CTBP2: variants seen among roughly 807,000 people sequenced by gnomAD.
CTBP2 encodes the protein C-terminal binding protein 2.
CTBP2 carries 30 observed loss-of-function variants against 80.3 expected under a neutral mutation model. The ratio of observed to expected loss-of-function variants is 0.37; its 90% CI spans 0.28 to 0.51. CTBP2 has a LOEUF of 0.51. CTBP2 is among the 20% of genes least tolerant of loss of function. The pLI is 0.93. For synonymous variants in CTBP2, 594 were observed against 587.4 expected, an observed-to-expected ratio of 1.01 and a Z score of -0.16; for missense variants, 1,212 against 1,375.3, an observed-to-expected ratio of 0.88 and a Z score of 1.88.
At chr10:124,993,443 G>T (rs1952993932) in intron 6 of CTBP2, 114 bp from the exon 9 acceptor site, 2 of 1,164,204 alleles carry the variant, frequency 1.7e-6, no homozygotes, top group East Asian at 5.1e-5. Context: ...AGATAGCATG[G>T]ATACAGGAAC....
upstream of CTBP2, chr10:125,162,286 A>T (rs1789861444): frequency 6.6e-6 from 1 of 152,268 alleles, no homozygotes; most frequent in Non-Finnish European, 1.5e-5. Flanking sequence ...GGTCTCCTCC[A>T]TCCCTGAGTG....
chr10:125,146,929 G>A (rs1858892645), intron 1 of CTBP2, among the ~76,000 whole-genome samples: 1 of 151,312 alleles, frequency 6.6e-6, no homozygotes, highest in South Asian at 2.1e-4. Flanking sequence ...CCCATTGCCA[G>A]GGCCTGGGGT....
At chr10:125,041,388 T>C (rs1188194954) in intron 2 of CTBP2, among the ~76,000 whole-genome samples, 1 of 151,980 alleles carries the variant, frequency 6.6e-6, no homozygotes, top group Non-Finnish European at 1.5e-5. Flanking sequence ...TAGCCAGTGC[T>C]GGGCTTTCTG....
intron 1 of CTBP2, among the ~76,000 whole-genome samples, chr10:125,134,203 A>G (rs1236610056): frequency 6.6e-6 from 1 of 152,214 alleles, no homozygotes; most frequent in Admixed American, 6.5e-5. Flanking sequence ...CAACATGACC[A>G]ACATCAAGTA....
chr10:125,100,341 A>C (rs1352223695), intron 2 of CTBP2, among the ~76,000 whole-genome samples: 1 of 152,202 alleles, frequency 6.6e-6, no homozygotes, highest in Non-Finnish European at 1.5e-5. Context: ...CCAAAGCTCA[A>C]TATCACACAA....
intron 1 of CTBP2, among the ~76,000 whole-genome samples, chr10:125,021,132 C>T (rs958203980): frequency 6.6e-6 from 1 of 152,086 alleles, no homozygotes; most frequent in Non-Finnish European, 1.5e-5. Flanking sequence ...CCCCTGAGAC[C>T]CCGAGGGCCT....
chr10:125,144,005 AC>A (rs2133304488), intron 1 of CTBP2, among the ~76,000 whole-genome samples: 1 of 152,296 alleles, frequency 6.6e-6, no homozygotes, highest in South Asian at 2.1e-4. Context: ...CTCAAAAAGC[AC>A]CCAGACGCTC....
intron 2 of CTBP2, among the ~76,000 whole-genome samples, chr10:125,110,206 T>A (rs1479384755): frequency 6.6e-6 from 1 of 152,252 alleles, no homozygotes. Flanking sequence ...GCTAGCGGTT[T>A]CCCTTGCTTT....
chr10:125,059,117 G>A (rs1964495401), intron 2 of CTBP2, among the ~76,000 whole-genome samples: 1 of 152,074 alleles, frequency 6.6e-6, no homozygotes, highest in African/African-American at 2.4e-5. Flanking sequence ...CTCCTTTGCT[G>A]GTGCTAAACA....
At chr10:125,015,631 C>T (rs1326748444) in intron 1 of CTBP2, among the ~76,000 whole-genome samples, 2 of 152,196 alleles carry the variant, frequency 1.3e-5, no homozygotes, top group African/African-American at 2.4e-5. Flanking sequence ...GATGGGCTGG[C>T]CTCAGTGCTC....
chr10:125,136,385 G>C (rs1423139928), intron 1 of CTBP2, among the ~76,000 whole-genome samples: 1 of 152,228 alleles, frequency 6.6e-6, no homozygotes, highest in Non-Finnish European at 1.5e-5. Flanking sequence ...AGTGTTCTCT[G>C]GTTGGGTGGT....
intron 1 of CTBP2, among the ~76,000 whole-genome samples, chr10:125,015,597 C>T (rs1956394522): frequency 6.6e-6 from 1 of 152,196 alleles, no homozygotes; most frequent in African/African-American, 2.4e-5. Context: ...CTAGAGGACT[C>T]CCTCTGGCTC....
intron 2 of CTBP2, among the ~76,000 whole-genome samples, chr10:125,107,598 G>A (rs916442945): frequency 2.0e-5 from 3 of 152,238 alleles, no homozygotes; most frequent in Non-Finnish European, 4.4e-5. Flanking sequence ...TGATCAGGAA[G>A]ATGACCTCAA....
intron 1 of CTBP2, among the ~76,000 whole-genome samples, chr10:125,113,926 G>A (rs996855625): frequency 3.9e-5 from 6 of 152,196 alleles, no homozygotes; most frequent in African/African-American, 1.4e-4. Context: ...TTGGAAGACT[G>A]TCAGAATTTT....
chr10:125,070,570 A>T (rs1845315318), intron 2 of CTBP2, among the ~76,000 whole-genome samples: 1 of 147,294 alleles, frequency 6.8e-6, no homozygotes, highest in African/African-American at 2.5e-5. Context: ...AATGATAATG[A>T]TAATAATAAT....
chr10:124,986,711 A>G lies in CTBP2; in HGVS notation c.*2807T>C, dbSNP rs945749277. The stretch of plus-strand genomic sequence containing the variant: ...AATCAAGTTTGTAGAAAATGTTAGC[A>G]TTCTGACTACTTAGCATCTGTAGTA... On this transcript the variant is annotated 3_prime_UTR_variant, in exon 9 of 9. Coordinates refer to ENST00000309035, the MANE Select transcript of CTBP2 (RefSeq NM_022802.3). The G allele has an allele frequency of 1.3e-5, 2 of 152,220 alleles. No homozygotes were observed. The highest frequency in any genetic ancestry group is 2.4e-5 in the African/African-American group (1 of 41,460). The allele number at this position is 152,220 out of a possible 1,614,324, so 9.4% of individuals were successfully genotyped here.
At chr10:125,104,148 A>G (rs1308296470) in intron 2 of CTBP2, among the ~76,000 whole-genome samples, 1 of 152,206 alleles carries the variant, frequency 6.6e-6, no homozygotes, top group Non-Finnish European at 1.5e-5. Context: ...CAAGGCTCAC[A>G]CCACGTGGAG....
intron 2 of CTBP2, among the ~76,000 whole-genome samples, chr10:125,106,347 T>A (rs1040048852): frequency 4.6e-5 from 7 of 152,082 alleles, no homozygotes; most frequent in Non-Finnish European, 1.0e-4. Flanking sequence ...GACCCTGCAG[T>A]GTATGGGAAG....
rs1952205135 is a variant in CTBP2, at chr10:124,988,880, T to C, written c.*638A>G. On this transcript the variant is annotated 3_prime_UTR_variant, in exon 9 of 9. Coordinates refer to ENST00000309035, the MANE Select transcript of CTBP2 (RefSeq NM_022802.3). ...AGTACAAACAGCTTGTGAAACTTAA[T>C]ACTTTTTTTTTTTTTTTTGCATCAT... 1 of 69,194 alleles carries C rather than the reference T, an allele frequency of 1.4e-5. No individual in the cohort carries two copies. The highest frequency in any genetic ancestry group is 2.1e-4 in the Admixed American group (1 of 4,832). The allele number at this position is 69,194 out of a possible 1,614,324, so 4.3% of individuals were successfully genotyped here. A position where few individuals can be genotyped will look rare whatever the true frequency, so the allele number is the denominator to read the frequency against.
Sources: allele counts gnomAD v4.1 joint callset (sites outside exome capture counted in the v4.1 genomes callset), GRCh38; gene constraint gnomAD v4.1.1; transcripts MANE v1.5; gene names NCBI Gene and HGNC (gene_info 2026-07-23, HGNC 2026-07-21).